Variants in LRP6 observed in about 807,000 individuals in gnomAD.
LRP6 encodes the protein low-density lipoprotein receptor-related protein 6.
Under a neutral mutation model 184.1 loss-of-function variants are expected in LRP6, and 43 were observed. That is an observed-to-expected ratio of 0.23 (90% CI 0.18 to 0.30). The LOEUF (loss-of-function observed/expected upper bound fraction) is 0.30. LRP6 is among the 10% of genes least tolerant of loss of function. The probability of loss-of-function intolerance (pLI) is 1.00; values close to 1 mark genes in which losing one functional copy is unlikely to be tolerated. For missense variants in LRP6, 1,571 were observed against 2,005.3 expected (o/e 0.78, Z 4.14); for synonymous variants, 719 against 684.9 (o/e 1.05, Z -0.78).
chr12:12,126,660 C>A, intron 20 of LRP6, 31 bp downstream of exon 20: 13 of 1,570,636 alleles, frequency 8.3e-6, no homozygotes, highest in Non-Finnish European at 1.1e-5. Flanking sequence ...GGACCAAAGA[C>A]TTGATTCTCA....
At chr12:12,146,631 T>C (rs1950010897) in intron 15 of LRP6, among the ~76,000 whole-genome samples, 1 of 152,240 alleles carries the variant, frequency 6.6e-6, no homozygotes, top group South Asian at 2.1e-4. Flanking sequence ...TACTAACTTA[T>C]ACCAACTTAA....
intron 7 of LRP6, among the ~76,000 whole-genome samples, chr12:12,169,134 C>A (rs576143967): frequency 6.6e-6 from 1 of 151,964 alleles, no homozygotes; most frequent in South Asian, 2.1e-4. Context: ...GAGGGTGAGG[C>A]AGGAAAGTTG....
At chr12:12,220,472 G>T (rs886352447) in intron 2 of LRP6, among the ~76,000 whole-genome samples, 7 of 152,002 alleles carry the variant, frequency 4.6e-5, no homozygotes, top group African/African-American at 1.7e-4. Context: ...GCACAAGACT[G>T]GTTCTTCTAC....
chr12:12,131,173 T>C (rs1224858106), intron 18 of LRP6, among the ~76,000 whole-genome samples: 4 of 143,322 alleles, frequency 2.8e-5, no homozygotes, highest in African/African-American at 1.0e-4. Flanking sequence ...AGTGGCGCGA[T>C]ATTGGCTCAC....
At chr12:12,240,568 T>A (rs1021559010) in intron 2 of LRP6, among the ~76,000 whole-genome samples, 30 of 152,102 alleles carry the variant, frequency 2.0e-4, no homozygotes, top group Admixed American at 5.9e-4. Flanking sequence ...TGAGACTCCA[T>A]CTCAAAAATA....
In LRP6 at chr12:12,164,365, CATT is replaced by C; in HGVS notation, c.1957_1959del (p.Asn653del). On this transcript the variant is annotated inframe_deletion, in exon 9 of 23. Coordinates refer to ENST00000261349, the MANE Select transcript of LRP6 (RefSeq NM_002336.3). ...TTGACACCAGTGAGTGGAATAGCCA[CATT>C]ATTATTGTTTGTTTCCAGAGAAATT... 7 of 1,614,138 alleles carry C rather than the reference CATT, an allele frequency of 4.3e-6. No homozygotes were observed. Among genetic ancestry groups the C allele is most frequent in the Non-Finnish European group, 5.9e-6 (7 of 1,180,014 alleles).
intron 2 of LRP6, among the ~76,000 whole-genome samples, chr12:12,238,150 T>G (rs1864970883): frequency 1.3e-5 from 2 of 151,156 alleles, no homozygotes; most frequent in East Asian, 3.9e-4. Flanking sequence ...TATTAAAACC[T>G]CAATTAACAT....
rs558210801 is a variant in LRP6, at chr12:12,266,407, G to A, written c.55+274C>T. Among the ~76,000 whole-genome samples, 12 of 152,290 alleles carry A rather than the reference G, an allele frequency of 7.9e-5. No individual in the cohort carries two copies. The South Asian group carries it at 2.3e-3, about 29-fold the overall frequency. On this transcript the variant is annotated intron_variant, in intron 1 of 22. Coordinates refer to ENST00000261349, the MANE Select transcript of LRP6 (RefSeq NM_002336.3). Reference sequence around the variant, plus strand: ...AGACACTCAGTCATCCCGACAGCATGGGGTGCCAAGGGTTCCCTAAGACCA... The same window carrying A: ...AGACACTCAGTCATCCCGACAGCATAGGGTGCCAAGGGTTCCCTAAGACCA...
At chr12:12,234,431 CAG>C (rs1311697781) in intron 2 of LRP6, among the ~76,000 whole-genome samples, 1 of 151,392 alleles carries the variant, frequency 6.6e-6, no homozygotes, top group Non-Finnish European at 1.5e-5. Context: ...GCCTGGGCGA[CAG>C]AGTGAGACTC....
At chr12:12,210,991 C>T (rs183476544) in intron 2 of LRP6, 14 of 152,250 alleles carry the variant, frequency 9.2e-5, no homozygotes, top group Admixed American at 5.2e-4. Flanking sequence ...GTGAAGAAAT[C>T]GGACCTACTT....
At chr12:12,197,946 A>G (rs1368199915) in intron 3 of LRP6, among the ~76,000 whole-genome samples, 1 of 152,230 alleles carries the variant, frequency 6.6e-6, no homozygotes, top group East Asian at 1.9e-4. Context: ...TGGGAGGCTC[A>G]AGGTGGGAGG....
chr12:12,186,264 T>G (rs921402715), intron 4 of LRP6, among the ~76,000 whole-genome samples: 1 of 152,238 alleles, frequency 6.6e-6, no homozygotes, highest in African/African-American at 2.4e-5. Flanking sequence ...ATCTCAATTT[T>G]TAAATTATCT....
intron 16 of LRP6, among the ~76,000 whole-genome samples, chr12:12,138,098 G>C (rs776911384): frequency 9.9e-5 from 15 of 151,790 alleles, no homozygotes; most frequent in Non-Finnish European, 2.1e-4. Flanking sequence ...TTGAACCCGG[G>C]AGGCAGAGGC....
At chr12:12,212,841 G>A (rs942766804) in intron 2 of LRP6, among the ~76,000 whole-genome samples, 1 of 152,062 alleles carries the variant, frequency 6.6e-6, no homozygotes, top group Non-Finnish European at 1.5e-5. Flanking sequence ...TAGTTTCTGA[G>A]GAAAATTTTG....
intron 2 of LRP6, among the ~76,000 whole-genome samples, chr12:12,220,196 G>A (rs1864451276): frequency 6.6e-6 from 1 of 151,918 alleles, no homozygotes; most frequent in Non-Finnish European, 1.5e-5. Context: ...ACTGAGGCAG[G>A]AGGATCACTT....
chr12:12,131,989 A>G lies in LRP6; in HGVS notation c.3802T>C (p.Trp1268Arg). 1 of 1,614,152 alleles carries G rather than the reference A, an allele frequency of 6.2e-7. No individual in the cohort carries two copies. Among genetic ancestry groups the G allele is most frequent in the Non-Finnish European group, 8.5e-7 (1 of 1,180,022 alleles). The part of the protein sequence containing the change: ...TGEIDCIPVA[W>R]RCDGFTECED... ...CATTCAGTAAACCCATCGCACCGCC[A>G]AGCCACAGGGATACAGTCAATTTCC... The change falls in exon 18 of 23, where the codon TGG (tryptophan) becomes CGG (arginine). Residue 1268 changes from tryptophan (W) to arginine (R), a missense_variant. Trp to Arg is a moderately radical substitution (Grantham distance 101). Around this residue, in one of 4 missense-constraint regions of LRP6, gnomAD observed 763 missense variants for 859.5 expected, o/e 0.89. Transcript: ENST00000261349.
intron 1 of LRP6, among the ~76,000 whole-genome samples, chr12:12,256,178 T>G (rs1186353319): frequency 6.6e-6 from 1 of 152,198 alleles, no homozygotes; most frequent in Admixed American, 6.5e-5. Context: ...AAGATTTAAC[T>G]GCAACAGGAC....
intron 16 of LRP6, among the ~76,000 whole-genome samples, chr12:12,137,167 A>C (rs961234201): frequency 2.0e-5 from 3 of 152,178 alleles, no homozygotes; most frequent in African/African-American, 7.2e-5. Context: ...GCTTAAATTC[A>C]ATTTAAAAGC....
At chr12:12,215,403 G>C (rs988035188) in intron 2 of LRP6, among the ~76,000 whole-genome samples, 30 of 152,118 alleles carry the variant, frequency 2.0e-4, no homozygotes, top group Admixed American at 5.9e-4. Context: ...GCCTTAATCA[G>C]TAAGGACTAA....
Sources: gnomAD v4.1 joint callset for allele counts (sites outside exome capture counted in the v4.1 genomes callset) on GRCh38, gnomAD v4.1.1 for gene constraint, gnomAD v4.1.1 regional missense constraint, MANE v1.5 for transcripts, NCBI Gene and HGNC (gene_info 2026-07-23, HGNC 2026-07-21) for gene names.